SLC35F1: variants seen among roughly 807,000 people sequenced by gnomAD.
The protein encoded by SLC35F1 is solute carrier family 35 member F1.
A neutral mutation model predicts 48.7 loss-of-function variants in SLC35F1; 14 were observed. The observed-to-expected ratio is 0.29, with a 90% CI of 0.19 to 0.45. SLC35F1 has a LOEUF of 0.45. SLC35F1 is among the 20% of genes least tolerant of loss of function. SLC35F1 has a pLI of 1.00. For synonymous variants in SLC35F1, 190 were observed against 202.2 expected, an observed-to-expected ratio of 0.94 and a Z score of 0.51; for missense variants, 404 against 500.0, an observed-to-expected ratio of 0.81 and a Z score of 1.83.
chr6:117,924,162 C>G (rs1775987824), intron 1 of SLC35F1, among the ~76,000 whole-genome samples: 2 of 125,734 alleles, frequency 1.6e-5, no homozygotes. Flanking sequence ...CACATAGGTA[C>G]ACATGCATAT....
At chr6:118,144,673 G>A (rs1773945466) in intron 1 of SLC35F1, among the ~76,000 whole-genome samples, 1 of 151,424 alleles carries the variant, frequency 6.6e-6, no homozygotes, top group African/African-American at 2.4e-5. Context: ...CATCCCAGGG[G>A]GATATGTGAT....
chr6:118,017,337 CT>C (rs35369666), intron 1 of SLC35F1, among the ~76,000 whole-genome samples: 3 of 151,914 alleles, frequency 2.0e-5, no homozygotes, highest in African/African-American at 4.8e-5. Context: ...GACAGGAAAA[CT>C]TTTTTTTGTC....
intron 1 of SLC35F1, among the ~76,000 whole-genome samples, chr6:118,050,528 T>G (rs1233250875): frequency 6.6e-6 from 1 of 151,990 alleles, no homozygotes; most frequent in African/African-American, 2.4e-5. Flanking sequence ...AGAAGAATTA[T>G]TGAAGTGATA....
intron 1 of SLC35F1, among the ~76,000 whole-genome samples, chr6:118,034,893 C>T (rs1015616802): frequency 2.6e-5 from 4 of 152,236 alleles, no homozygotes; most frequent in South Asian, 4.1e-4. Context: ...TTGGGTTATA[C>T]TGGCCTTGTA....
At chr6:118,228,206 G>T (rs1775242731) in intron 2 of SLC35F1, among the ~76,000 whole-genome samples, 1 of 152,022 alleles carries the variant, frequency 6.6e-6, no homozygotes, top group South Asian at 2.1e-4. Flanking sequence ...CTTCACTCAG[G>T]TTTGCATTAT....
At chr6:118,163,953 A>G (rs1189274766) in intron 2 of SLC35F1, among the ~76,000 whole-genome samples, 5 of 152,246 alleles carry the variant, frequency 3.3e-5, no homozygotes, top group Non-Finnish European at 4.4e-5. Flanking sequence ...CTACTGCATG[A>G]GATTTGCAGG....
intron 2 of SLC35F1, among the ~76,000 whole-genome samples, chr6:118,178,274 C>T (rs1201421604): frequency 6.6e-6 from 1 of 152,054 alleles, no homozygotes; most frequent in Non-Finnish European, 1.5e-5. Flanking sequence ...TCACTTTCTC[C>T]TCCACACCTC....
chr6:117,981,100 T>C (rs1776770741), intron 1 of SLC35F1, among the ~76,000 whole-genome samples: 1 of 152,196 alleles, frequency 6.6e-6, no homozygotes, highest in Non-Finnish European at 1.5e-5. Context: ...ATTCCCTGTT[T>C]CCATGTAAAA....
chr6:118,108,633 A>G (rs576110858), intron 1 of SLC35F1, among the ~76,000 whole-genome samples: 1 of 152,298 alleles, frequency 6.6e-6, no homozygotes, highest in Non-Finnish European at 1.5e-5. Context: ...TTTCTCAAGA[A>G]CAGTTGTTTC....
At chr6:118,156,149 T>C (rs1005098242) in intron 2 of SLC35F1, among the ~76,000 whole-genome samples, 1 of 152,188 alleles carries the variant, frequency 6.6e-6, no homozygotes, top group Admixed American at 6.5e-5. Flanking sequence ...ACCAAAGTTA[T>C]TGACGTTGAA....
intron 2 of SLC35F1, among the ~76,000 whole-genome samples, chr6:118,188,024 A>G (rs956925610): frequency 6.6e-6 from 1 of 152,214 alleles, no homozygotes; most frequent in African/African-American, 2.4e-5. Context: ...ATTATGTGTA[A>G]CTATCTTTAA....
chr6:118,204,899 C>T (rs971712822), intron 2 of SLC35F1, among the ~76,000 whole-genome samples: 17 of 152,150 alleles, frequency 1.1e-4, no homozygotes, highest in East Asian at 5.8e-4. Flanking sequence ...AAGCTCCTTG[C>T]GTGCCAAGAA....
At chr6:118,030,126 C>T (rs148764378) in intron 1 of SLC35F1, among the ~76,000 whole-genome samples, 59 of 152,354 alleles carry the variant, frequency 3.9e-4, no homozygotes, top group Admixed American at 1.0e-3. Flanking sequence ...GCAAACAATG[C>T]TTCCCTCTGG....
chr6:118,106,549 A>T (rs1477802240), intron 1 of SLC35F1, among the ~76,000 whole-genome samples: 2 of 152,134 alleles, frequency 1.3e-5, no homozygotes, highest in Non-Finnish European at 2.9e-5. Flanking sequence ...CAGCTCTCTC[A>T]CGTGTACTAC....
chr6:118,184,899 C>T (rs917190469), intron 2 of SLC35F1, among the ~76,000 whole-genome samples: 5 of 152,150 alleles, frequency 3.3e-5, no homozygotes, highest in Non-Finnish European at 7.4e-5. Context: ...AATCTTTCCC[C>T]ATATCAGAGA....
intron 1 of SLC35F1, among the ~76,000 whole-genome samples, chr6:118,135,942 A>G (rs2516067): frequency 0.022 from 3,287 of 152,296 alleles, 130 homozygotes; most frequent in African/African-American, 0.075. Flanking sequence ...CAGAGGTCCT[A>G]TAAAAGACAG....
intron 1 of SLC35F1, among the ~76,000 whole-genome samples, chr6:118,147,279 G>T (rs987805621): frequency 6.6e-6 from 1 of 152,166 alleles, no homozygotes; most frequent in African/African-American, 2.4e-5. Flanking sequence ...CATGAAACAG[G>T]TTCCTGCAGG....
chr6:118,175,366 A>G (rs1774472767), intron 2 of SLC35F1, among the ~76,000 whole-genome samples: 1 of 152,092 alleles, frequency 6.6e-6, no homozygotes, highest in Admixed American at 6.6e-5. Flanking sequence ...GAAAATTCTC[A>G]CTGGCAATAA....
At chr6:117,999,869 G>C (rs1331947349) in intron 1 of SLC35F1, among the ~76,000 whole-genome samples, 1 of 150,586 alleles carries the variant, frequency 6.6e-6, no homozygotes, top group Non-Finnish European at 1.5e-5. Flanking sequence ...TAAATTCCTC[G>C]ACACATATAC....
Sources: allele counts gnomAD v4.1 joint callset (sites outside exome capture counted in the v4.1 genomes callset), GRCh38; gene constraint gnomAD v4.1.1; transcripts MANE v1.5; gene names NCBI Gene and HGNC (gene_info 2026-07-23, HGNC 2026-07-21).